The following SOX6 variants were observed in gnomAD, a reference collection of about 807,000 sequenced individuals.
SOX6 encodes SRY-box transcription factor 6.
SOX6 carries 11 observed loss-of-function variants against 97.8 expected under a neutral mutation model. That is an observed-to-expected ratio of 0.11 (90% CI 0.07 to 0.19). The LOEUF is 0.19. Among genes scored for constraint, SOX6 ranks in the 10% least tolerant of loss-of-function variants. The pLI is 1.00. For synonymous variants in SOX6, 360 were observed against 371.4 expected (o/e 0.97, Z 0.35); for missense variants, 810 against 1,039.5 (o/e 0.78, Z 3.04).
chr11:16,191,927 T>C (rs935713561), intron 4 of SOX6, among the ~76,000 whole-genome samples: 10 of 151,928 alleles, frequency 6.6e-5, no homozygotes, highest in Admixed American at 4.6e-4. Context: ...TGTCTTGAGT[T>C]TCTCTCAGAT....
intron 4 of SOX6, among the ~76,000 whole-genome samples, chr11:16,520,921 G>T (rs1022247173): frequency 6.6e-6 from 1 of 152,230 alleles, no homozygotes; most frequent in Non-Finnish European, 1.5e-5. Flanking sequence ...CAGCGAGGCT[G>T]GGGGAGGGGT....
At chr11:16,023,768 C>G (rs2133874477) in intron 12 of SOX6, among the ~76,000 whole-genome samples, 1 of 152,170 alleles carries the variant, frequency 6.6e-6, no homozygotes, top group Admixed American at 6.5e-5. Flanking sequence ...ACTGTTACAA[C>G]AGAATTATAT....
intron 1 of SOX6, among the ~76,000 whole-genome samples, chr11:16,363,587 T>C (rs1030359829): frequency 1.3e-4 from 20 of 152,270 alleles, no homozygotes; most frequent in South Asian, 1.2e-3. Context: ...CTAAGAACCA[T>C]GCCCTGTCTG....
At chr11:16,603,645 G>A (rs1848297475) in intron 4 of SOX6, among the ~76,000 whole-genome samples, 1 of 152,092 alleles carries the variant, frequency 6.6e-6, no homozygotes, top group Non-Finnish European at 1.5e-5. Context: ...TTGGTGCAGA[G>A]GGCCACTAGC....
chr11:16,542,184 A>T (rs1861419788), intron 4 of SOX6, among the ~76,000 whole-genome samples: 1 of 152,150 alleles, frequency 6.6e-6, no homozygotes, highest in Non-Finnish European at 1.5e-5. Context: ...TGAAGCTGGA[A>T]ACCATCATTC....
intron 3 of SOX6, among the ~76,000 whole-genome samples, chr11:16,644,167 A>T (rs576841223): frequency 1.3e-5 from 2 of 152,212 alleles, no homozygotes; most frequent in South Asian, 4.2e-4. Context: ...CGGCCTCCCA[A>T]GTAGCTGGGA....
chr11:16,388,562 T>G (rs1266787821), intron 1 of SOX6, among the ~76,000 whole-genome samples: 1 of 152,124 alleles, frequency 6.6e-6, no homozygotes, highest in East Asian at 1.9e-4. Context: ...ATTTTCTTAA[T>G]GAACAAATTC....
At chr11:16,727,817 T>C (rs1341047856) in intron 2 of SOX6, among the ~76,000 whole-genome samples, 2 of 152,168 alleles carry the variant, frequency 1.3e-5, no homozygotes, top group Non-Finnish European at 2.9e-5. Flanking sequence ...TTTAATTTTT[T>C]TCAACTTCAT....
At chr11:16,100,847 C>T (rs989675665) in intron 7 of SOX6, among the ~76,000 whole-genome samples, 1 of 150,844 alleles carries the variant, frequency 6.6e-6, no homozygotes, top group Admixed American at 6.6e-5. Context: ...GTTGCAGTAT[C>T]CTGAGATAGT....
intron 3 of SOX6, among the ~76,000 whole-genome samples, chr11:16,659,614 G>T (rs142340846): frequency 6.6e-6 from 1 of 152,172 alleles, no homozygotes; most frequent in South Asian, 2.1e-4. Flanking sequence ...GATCAAGTTG[G>T]GAAGAAGTGA....
At position 15,972,680 on chromosome 11, in the gene SOX6, T is replaced by C; in HGVS notation, c.*129A>G. ...GGAAAACTTAATCTGTCTCACACTT[T>C]ACGAAACAATTAAGACCATTCTGCT... On this transcript the variant is annotated 3_prime_UTR_variant, in exon 16 of 16. Transcript: ENST00000683767. 1 of 1,009,228 alleles carries C rather than the reference T, an allele frequency of 9.9e-7. No homozygotes were observed. The highest frequency in any genetic ancestry group is 1.3e-5 in the South Asian group (1 of 74,098). The allele number at this position is 1,009,228 out of a possible 1,614,324, so 62.5% of individuals were successfully genotyped here. A position where few individuals can be genotyped will look rare whatever the true frequency, so the allele number is the denominator to read the frequency against.
chr11:16,128,753 C>T (rs755848409), intron 6 of SOX6, among the ~76,000 whole-genome samples: 1 of 152,154 alleles, frequency 6.6e-6, no homozygotes, highest in Non-Finnish European at 1.5e-5. Flanking sequence ...ACTTGAGGCA[C>T]ATAGGGATAG....
chr11:16,667,282 A>C (rs1847814148), intron 3 of SOX6, among the ~76,000 whole-genome samples: 1 of 152,102 alleles, frequency 6.6e-6, no homozygotes, highest in Non-Finnish European at 1.5e-5. Context: ...GGAAATTCTC[A>C]AACCTAGAAA....
chr11:16,507,831 T>A (rs1196116148), intron 4 of SOX6, among the ~76,000 whole-genome samples: 2 of 152,200 alleles, frequency 1.3e-5, no homozygotes, highest in African/African-American at 4.8e-5. Flanking sequence ...GGCAAAGATT[T>A]TATGGCTAAG....
At chr11:16,325,461 T>C (rs966842439) in intron 2 of SOX6, among the ~76,000 whole-genome samples, 4 of 152,140 alleles carry the variant, frequency 2.6e-5, no homozygotes, top group South Asian at 2.1e-4. Flanking sequence ...CATAAACATA[T>C]TACTCATGTA....
At chr11:16,424,094 C>A (rs532621074) in intron 1 of SOX6, among the ~76,000 whole-genome samples, 105 of 152,168 alleles carry the variant, frequency 6.9e-4, no homozygotes, top group African/African-American at 2.4e-3. Flanking sequence ...ACATTCAATA[C>A]AGTTACCCAG....
intron 4 of SOX6, among the ~76,000 whole-genome samples, chr11:16,558,666 A>G (rs921593927): frequency 6.6e-6 from 1 of 151,982 alleles, no homozygotes; most frequent in African/African-American, 2.4e-5. Flanking sequence ...TAAGGCCCTC[A>G]TTTTTCAACT....
chr11:16,477,701 A>T (rs887051944), upstream of SOX6, among the ~76,000 whole-genome samples: 10 of 152,234 alleles, frequency 6.6e-5, no homozygotes, highest in South Asian at 1.2e-3. Context: ...GTTTTTTTTT[A>T]AATCTTTTTA....
chr11:16,444,041 C>G (rs1218049797), intron 1 of SOX6, among the ~76,000 whole-genome samples: 1 of 149,228 alleles, frequency 6.7e-6, no homozygotes, highest in Non-Finnish European at 1.5e-5. Flanking sequence ...ATTGCCCCGA[C>G]CTTTTTTTAA....
Sources: allele counts gnomAD v4.1 joint callset (sites outside exome capture counted in the v4.1 genomes callset), GRCh38; gene constraint gnomAD v4.1.1; transcripts MANE v1.5; gene names NCBI Gene and HGNC (gene_info 2026-07-23, HGNC 2026-07-21).